CCDC192: variants seen among roughly 807,000 people sequenced by gnomAD.
The protein encoded by CCDC192 is coiled-coil domain-containing protein 192.
chr5:127,900,332 G>GGAATT (rs1561544946), intron 6 of CCDC192, among the ~76,000 whole-genome samples: 1 of 152,152 alleles, frequency 6.6e-6, no homozygotes, highest in Non-Finnish European at 1.5e-5. Flanking sequence ...CATGGAAAAC[G>GGAATT]GAATTGGGTT....
chr5:127,877,062 T>C (rs1470216869), intron 6 of CCDC192, among the ~76,000 whole-genome samples: 1 of 152,204 alleles, frequency 6.6e-6, no homozygotes, highest in East Asian at 1.9e-4. Context: ...TGACAATGAT[T>C]GTAGAGCACA....
chr5:127,836,557 C>G (rs1016202507), intron 5 of CCDC192, among the ~76,000 whole-genome samples: 3 of 152,224 alleles, frequency 2.0e-5, no homozygotes, highest in African/African-American at 7.2e-5. Flanking sequence ...AGACTTCTGC[C>G]TGGACATCCA....
chr5:127,907,641 A>G (rs1328289583), intron 6 of CCDC192, among the ~76,000 whole-genome samples: 1 of 152,168 alleles, frequency 6.6e-6, no homozygotes, highest in East Asian at 1.9e-4. Context: ...GTAATTAATG[A>G]TTTTTGCCTC....
At chr5:127,903,311 C>T (rs530898648) in intron 6 of CCDC192, among the ~76,000 whole-genome samples, 21 of 151,456 alleles carry the variant, frequency 1.4e-4, no homozygotes, top group Non-Finnish European at 2.5e-4. Flanking sequence ...GGCGCAATCT[C>T]GGCACACTGC....
At chr5:127,764,339 A>G (rs1353974858) in intron 3 of CCDC192, among the ~76,000 whole-genome samples, 1 of 152,228 alleles carries the variant, frequency 6.6e-6, no homozygotes, top group Non-Finnish European at 1.5e-5. Flanking sequence ...GAAGACAGAG[A>G]CAAGATATAT....
chr5:127,860,544 A>G (rs1169620258), intron 5 of CCDC192, among the ~76,000 whole-genome samples: 1 of 152,212 alleles, frequency 6.6e-6, no homozygotes, highest in Non-Finnish European at 1.5e-5. Flanking sequence ...TTCCTTGTTT[A>G]ATTTATAGGT....
intron 6 of CCDC192, among the ~76,000 whole-genome samples, chr5:127,909,024 T>C (rs1335377913): frequency 6.6e-6 from 1 of 152,198 alleles, no homozygotes; most frequent in Non-Finnish European, 1.5e-5. Flanking sequence ...GCTTGGAGAA[T>C]TGGCCCTAGA....
intron 5 of CCDC192, among the ~76,000 whole-genome samples, chr5:127,816,487 A>C (rs1430515274): frequency 1.3e-5 from 2 of 152,184 alleles, no homozygotes; most frequent in Non-Finnish European, 2.9e-5. Flanking sequence ...GGCCATGGCT[A>C]ACTCTCACTC....
At chr5:127,792,754 A>G (rs1756946325) in intron 3 of CCDC192, among the ~76,000 whole-genome samples, 7 of 151,256 alleles carry the variant, frequency 4.6e-5, no homozygotes, top group Admixed American at 4.6e-4. Flanking sequence ...GGAGAAGGAG[A>G]AAGACAAGAA....
chr5:127,861,447 G>C (rs1169094790), intron 5 of CCDC192, among the ~76,000 whole-genome samples: 5 of 151,194 alleles, frequency 3.3e-5, no homozygotes, highest in South Asian at 2.1e-4. Flanking sequence ...CTGAGATCAG[G>C]AGTTCGAGAC....
At chr5:127,929,363 T>A (rs1295203541) in intron 6 of CCDC192, among the ~76,000 whole-genome samples, 2 of 152,152 alleles carry the variant, frequency 1.3e-5, no homozygotes, top group Admixed American at 1.3e-4. Flanking sequence ...TGCAGACCAG[T>A]AGTGCTATCT....
At chr5:127,833,734 G>A (rs1015234532) in intron 5 of CCDC192, among the ~76,000 whole-genome samples, 3 of 152,232 alleles carry the variant, frequency 2.0e-5, no homozygotes, top group Non-Finnish European at 4.4e-5. Flanking sequence ...AGATTTGCAA[G>A]ATCAGATCAC....
At chr5:127,782,486 A>G (rs1005064552) in intron 3 of CCDC192, among the ~76,000 whole-genome samples, 5 of 151,840 alleles carry the variant, frequency 3.3e-5, no homozygotes, top group African/African-American at 9.7e-5. Flanking sequence ...TTCCATTTCA[A>G]TCTTGCTGCT....
chr5:127,835,667 C>G (rs937925872), intron 5 of CCDC192, among the ~76,000 whole-genome samples: 1 of 152,136 alleles, frequency 6.6e-6, no homozygotes, highest in Non-Finnish European at 1.5e-5. Flanking sequence ...GGGAAGCAAG[C>G]ATGTCTTTCA....
At chr5:127,719,528 C>CAG in intron 2 of CCDC192, among the ~76,000 whole-genome samples, 1 of 51,560 alleles carries the variant, frequency 1.9e-5, no homozygotes, top group African/African-American at 8.7e-5. Flanking sequence ...TATATATACA[C>CAG]ACATACATAT....
chr5:127,725,877 G>C (rs1178092802), intron 2 of CCDC192, among the ~76,000 whole-genome samples: 2 of 152,116 alleles, frequency 1.3e-5, no homozygotes, highest in African/African-American at 4.8e-5. Context: ...GAAAGATGAT[G>C]CAATACTTTT....
intron 2 of CCDC192, among the ~76,000 whole-genome samples, chr5:127,711,983 C>T (rs1470380556): frequency 6.6e-6 from 1 of 152,012 alleles, no homozygotes. Context: ...GGATAATGTG[C>T]CTATCTACCA....
chr5:127,908,284 T>A (rs1173145800), intron 6 of CCDC192, among the ~76,000 whole-genome samples: 2 of 152,224 alleles, frequency 1.3e-5, no homozygotes, highest in Non-Finnish European at 2.9e-5. Context: ...CCTGGTCATA[T>A]AATTTAACAG....
chr5:127,880,260 T>C (rs1219308178), intron 6 of CCDC192, among the ~76,000 whole-genome samples: 1 of 151,938 alleles, frequency 6.6e-6, no homozygotes, highest in African/African-American at 2.4e-5. Flanking sequence ...CACCATGGAA[T>C]ACTATGCAGC....
Sources: allele counts gnomAD v4.1 joint callset (sites outside exome capture counted in the v4.1 genomes callset), GRCh38; gene constraint gnomAD v4.1.1; transcripts MANE v1.5; gene names NCBI Gene and HGNC (gene_info 2026-07-23, HGNC 2026-07-21).